The following EXTL3 variants were observed in gnomAD, a reference collection of about 807,000 sequenced individuals.
The protein encoded by EXTL3 is exostosin like glycosyltransferase 3.
Under a neutral mutation model 69.3 loss-of-function variants are expected in EXTL3, and 27 were observed. The ratio of observed to expected loss-of-function variants is 0.39; its 90% CI spans 0.29 to 0.54. EXTL3 has a LOEUF of 0.54. EXTL3 is among the 20% of genes least tolerant of loss of function. The pLI is 0.69. For synonymous variants in EXTL3, 511 were observed against 499.4 expected, an observed-to-expected ratio of 1.02 and a Z score of -0.31; for missense variants, 1,003 against 1,231.8, an observed-to-expected ratio of 0.81 and a Z score of 2.78.
At chr8:28,667,804 A>G (rs922134401) in intron 1 of EXTL3, among the ~76,000 whole-genome samples, 29 of 152,124 alleles carry the variant, frequency 1.9e-4, no homozygotes, top group Non-Finnish European at 3.5e-4. Flanking sequence ...TGGCACATGT[A>G]TACATATGTA....
At chr8:28,706,958 G>A (rs240942) in intron 1 of EXTL3, among the ~76,000 whole-genome samples, 49,198 of 151,740 alleles carry the variant, frequency 0.32, 8,254 homozygotes, top group African/African-American at 0.43. Flanking sequence ...CTTGAGATGA[G>A]ATTACATGTA....
Position 28,717,277 on chromosome 8 carries a change from C to G in EXTL3, c.1218C>G (p.Pro406=). Residue 406 remains proline (P), a synonymous_variant, in exon 3 of 7, where the codon CCC becomes CCG. Transcript: ENST00000220562. This position sits in a 1 kb window ranked among gnomAD's most constrained non-coding sequence, Gnocchi z 8.3. ...VEFTCKNQPK[P]SLPTEWALCG... ...TCACCTGCAAAAACCAGCCCAAACCCAGCCTGCCGACTGAGTGGGCACTGT... is the reference window on the plus strand; with the variant it reads ...TCACCTGCAAAAACCAGCCCAAACCGAGCCTGCCGACTGAGTGGGCACTGT... 6.2e-7 allele frequency: 1 copy of G among 1,614,234 alleles called. No individual in the cohort carries two copies. Among genetic ancestry groups the G allele is most frequent in the Non-Finnish European group, 8.5e-7 (1 of 1,180,048 alleles).
In EXTL3 at chr8:28,750,764, G is replaced by A; in HGVS notation, c.2658G>A (p.Val886=). Residue 886 remains valine (V), a synonymous_variant, in exon 7 of 7, where the codon GTG becomes GTA. Transcript: ENST00000220562. This position sits in a 1 kb window ranked among gnomAD's most constrained non-coding sequence, Gnocchi z 5.2. ...AGTGCATCAACTTCTTCGTGAAGGT[G>A]TACGGCTACATGCCCCTCCTGTACA... ...RHKCINFFVK[V]YGYMPLLYTQ... The A allele has an allele frequency of 6.2e-7, 1 of 1,614,242 alleles. No homozygotes were observed. The highest frequency in any genetic ancestry group is 8.5e-7 in the Non-Finnish European group (1 of 1,180,042).
intron 4 of EXTL3, among the ~76,000 whole-genome samples, chr8:28,733,165 C>T (rs982176665): frequency 1.1e-4 from 16 of 151,952 alleles, no homozygotes; most frequent in African/African-American, 3.9e-4. Context: ...TGAGTGGATA[C>T]CTAAGAGTAA....
chr8:28,716,735 G>A lies in EXTL3; in HGVS notation c.676G>A (p.Val226Ile), dbSNP rs531742587. The A allele has an allele frequency of 1.3e-5, 21 of 1,614,218 alleles. No individual in the cohort carries two copies. The highest frequency in any genetic ancestry group is 9.9e-5 in the South Asian group (9 of 91,084). ...TTTTCAGGCGACAGCACGAGCTAAC[G>A]TTTATGTTACAGAAAATGCAGACAT... ...QAFQATARAN[V>I]YVTENADIAC... The change falls in exon 3 of 7, where the codon GTT (valine) becomes ATT (isoleucine). Residue 226 changes from valine to isoleucine, a missense_variant. Val to Ile is a conservative substitution (Grantham distance 29, BLOSUM62 3). Coordinates refer to ENST00000220562, the MANE Select transcript of EXTL3 (RefSeq NM_001440.4). This position sits in a 1 kb window ranked among gnomAD's most constrained non-coding sequence, Gnocchi z 7.1.
At chr8:28,649,276 A>G (rs569836414) in intron 1 of EXTL3, among the ~76,000 whole-genome samples, 4 of 152,288 alleles carry the variant, frequency 2.6e-5, no homozygotes, top group Non-Finnish European at 5.9e-5. Context: ...CTAGAGCTGC[A>G]ATTGCTGGGC....
At chr8:28,660,838 C>CTTTTTTTTTTTT (rs58151386) in intron 1 of EXTL3, among the ~76,000 whole-genome samples, 32 of 46,958 alleles carry the variant, frequency 6.8e-4, no homozygotes, top group East Asian at 1.7e-3. Context: ...CGATTTTTGG[C>CTTTTTTTTTTTT]TTTTTTTTTT....
At chr8:28,661,755 G>A (rs527867844) in intron 1 of EXTL3, among the ~76,000 whole-genome samples, 3 of 151,826 alleles carry the variant, frequency 2.0e-5, no homozygotes, top group African/African-American at 7.2e-5. Flanking sequence ...TGTGGTGGCA[G>A]GCACCTGTAC....
At chr8:28,647,023 C>T (rs762884902) in intron 1 of EXTL3, among the ~76,000 whole-genome samples, 1 of 151,902 alleles carries the variant, frequency 6.6e-6, no homozygotes, top group Non-Finnish European at 1.5e-5. Flanking sequence ...TCTTGTGAGG[C>T]TTACATTCAA....
chr8:28,666,509 C>T (rs1382836575), intron 1 of EXTL3, among the ~76,000 whole-genome samples: 4 of 151,682 alleles, frequency 2.6e-5, no homozygotes, highest in African/African-American at 9.7e-5. Flanking sequence ...TTAAGCAATC[C>T]TCCCACCTTG....
intron 1 of EXTL3, among the ~76,000 whole-genome samples, chr8:28,638,345 C>T (rs1480328062): frequency 1.3e-5 from 2 of 152,172 alleles, no homozygotes; most frequent in Non-Finnish European, 2.9e-5. Context: ...ACCAACGAAC[C>T]CTATGACAAA....
intron 1 of EXTL3, among the ~76,000 whole-genome samples, chr8:28,673,494 G>C (rs936965467): frequency 6.6e-6 from 1 of 152,160 alleles, no homozygotes; most frequent in Non-Finnish European, 1.5e-5. Context: ...AACATCTCCA[G>C]ACTGGGATTT....
At chr8:28,694,452 C>T (rs1800657224) in intron 1 of EXTL3, among the ~76,000 whole-genome samples, 1 of 152,232 alleles carries the variant, frequency 6.6e-6, no homozygotes. Flanking sequence ...ACTAATGCAG[C>T]AGACAATTCA....
intron 1 of EXTL3, among the ~76,000 whole-genome samples, chr8:28,635,627 T>C (rs938698386): frequency 1.4e-5 from 2 of 145,114 alleles, no homozygotes; most frequent in African/African-American, 5.2e-5. Context: ...AGGAGAATGG[T>C]GTGAACCTGG....
rs372406251 is a variant in EXTL3, at chr8:28,731,353, G to A, written c.2276+3G>A. 8.7e-6 allele frequency: 14 copies of A among 1,614,220 alleles called. No individual in the cohort carries two copies. The highest frequency in any genetic ancestry group is 1.3e-5 in the African/African-American group (1 of 75,062). ...GACGAAATCATGTTTGGGTTCCGGT[G>A]AGAGACTAATTTCCAATCAAAACTT... On this transcript the variant is annotated splice_donor_region_variant and intron_variant, in intron 4 of 6. Transcript: ENST00000220562.
upstream of EXTL3, among the ~76,000 whole-genome samples, chr8:28,620,953 G>A (rs139916170): frequency 2.0e-4 from 30 of 152,268 alleles, no homozygotes; most frequent in Non-Finnish European, 4.0e-4. Context: ...GAGCTCAAGC[G>A]ATCCTCCCCT....
chr8:28,675,425 C>T (rs1250987859), intron 1 of EXTL3, among the ~76,000 whole-genome samples: 1 of 152,168 alleles, frequency 6.6e-6, no homozygotes, highest in Non-Finnish European at 1.5e-5. Flanking sequence ...CCGTTAAGCT[C>T]CCTCTTTAAG....
At chr8:28,743,928 C>T (rs1209203201) in intron 6 of EXTL3, 1 of 152,506 alleles carries the variant, frequency 6.6e-6, no homozygotes, top group East Asian at 1.9e-4. Context: ...ATTATTTGCT[C>T]ACAACCAAAA....
intron 1 of EXTL3, among the ~76,000 whole-genome samples, chr8:28,682,274 C>T (rs1450776023): frequency 1.3e-5 from 2 of 151,954 alleles, no homozygotes; most frequent in Non-Finnish European, 2.9e-5. Context: ...TGTTCAGGTC[C>T]TTTGCTCATT....
Sources: gnomAD v4.1 joint callset for allele counts (sites outside exome capture counted in the v4.1 genomes callset) on GRCh38, gnomAD v4.1.1 for gene constraint, Gnocchi (gnomAD v3.1) non-coding constraint, MANE v1.5 for transcripts, NCBI Gene and HGNC (gene_info 2026-07-23, HGNC 2026-07-21) for gene names.